PREX1: variants seen among roughly 807,000 people sequenced by gnomAD.
PREX1 encodes phosphatidylinositol 3,4,5-trisphosphate-dependent Rac exchanger 1 protein.
PREX1 carries 41 observed loss-of-function variants against 198.3 expected under a neutral mutation model. That is an observed-to-expected ratio of 0.21 (90% CI 0.16 to 0.27). The LOEUF (loss-of-function observed/expected upper bound fraction) is 0.27, where lower values mean the gene tolerates loss of function less well. Among genes scored for constraint, PREX1 ranks in the 10% least tolerant of loss-of-function variants. The pLI, the probability that PREX1 is intolerant of heterozygous loss-of-function variation, is 1.00. For synonymous variants in PREX1, 843 were observed against 887.2 expected (o/e 0.95, Z 0.89); for missense variants, 1,620 against 2,200.7 (o/e 0.74, Z 5.28).
chr20:48,718,058 C>A (rs1056207329), intron 5 of PREX1, among the ~76,000 whole-genome samples: 2 of 152,190 alleles, frequency 1.3e-5, no homozygotes, highest in East Asian at 3.8e-4. Context: ...CTCTAGTCTG[C>A]CACAGTTCCC....
chr20:48,806,437 T>C (rs895948077), intron 1 of PREX1, among the ~76,000 whole-genome samples: 3 of 152,208 alleles, frequency 2.0e-5, no homozygotes, highest in Admixed American at 6.5e-5. Flanking sequence ...TTTTTGTTTG[T>C]TCTAAACTCT....
chr20:48,802,561 C>G (rs1249433534), intron 1 of PREX1, among the ~76,000 whole-genome samples: 1 of 152,226 alleles, frequency 6.6e-6, no homozygotes, highest in Non-Finnish European at 1.5e-5. Context: ...GCCCCCGACT[C>G]TAATTCATAT....
chr20:48,671,705 C>T (rs994259249), intron 14 of PREX1, among the ~76,000 whole-genome samples: 1 of 152,212 alleles, frequency 6.6e-6, no homozygotes, highest in African/African-American at 2.4e-5. Context: ...AACCACACTC[C>T]GAGGTCACAT....
rs113422447 is a variant in PREX1 at position 48,780,531 on chromosome 20, G to A, written c.220-32651C>T. 1.7e-4 allele frequency among the ~76,000 whole-genome samples: 26 copies of A among 152,184 alleles called. 1 individual carries two copies. The highest frequency in any genetic ancestry group is 6.3e-4 in the African/African-American group (26 of 41,500). The stretch of plus-strand genomic sequence containing the variant: ...AAAAATAGAGGAGGCATGTCAAAAG[G>A]GCACGGGGTCAACCAGAAAGAACTC... On this transcript the variant is annotated intron_variant, in intron 1 of 39. Transcript: ENST00000371941.
chr20:48,787,824 C>T (rs745968816), intron 1 of PREX1, among the ~76,000 whole-genome samples: 3 of 152,096 alleles, frequency 2.0e-5, no homozygotes, highest in African/African-American at 4.8e-5. Flanking sequence ...ATGATCAAAA[C>T]ACTTTTTTTC....
chr20:48,704,527 C>T (rs536259912), intron 6 of PREX1, among the ~76,000 whole-genome samples: 62 of 151,400 alleles, frequency 4.1e-4, no homozygotes, highest in Non-Finnish European at 1.2e-4. Context: ...TCCTTCCTTC[C>T]TTTCCTTCCT....
chr20:48,657,317 C>T (rs1402096432), intron 17 of PREX1, 129 bp from the exon 18 acceptor site: 12 of 1,156,184 alleles, frequency 1.0e-5, no homozygotes, highest in African/African-American at 1.5e-5. Context: ...TGGGTGACTG[C>T]GTGCTGTCTG....
chr20:48,639,031 T>G (rs1035427351), intron 30 of PREX1, among the ~76,000 whole-genome samples: 3 of 152,352 alleles, frequency 2.0e-5, no homozygotes, highest in South Asian at 2.1e-4. Flanking sequence ...AATCTCCCAC[T>G]GTCCTGGTCA....
At chr20:48,679,800 C>T (rs1207703668) in intron 11 of PREX1, 46 bp from the exon 12 acceptor site, 1 of 1,478,774 alleles carries the variant, frequency 6.8e-7, no homozygotes, top group Non-Finnish European at 9.5e-7. Context: ...CCCCCTCAGC[C>T]CCTCCCAGCC....
chr20:48,797,562 C>A (rs997016272), intron 1 of PREX1, among the ~76,000 whole-genome samples: 1 of 152,122 alleles, frequency 6.6e-6, no homozygotes, highest in East Asian at 1.9e-4. Flanking sequence ...AGGCCCACAG[C>A]GCTGTCTCTG....
At chr20:48,833,204 T>G in the PREX1 span, among the ~76,000 whole-genome samples, 1 of 152,202 alleles carries the variant, frequency 6.6e-6, no homozygotes, top group African/African-American at 2.4e-5. Flanking sequence ...TTTGCTATTG[T>G]AAGTGGATGA....
intron 5 of PREX1, among the ~76,000 whole-genome samples, chr20:48,723,782 C>G (rs1265323130): frequency 6.6e-6 from 1 of 152,182 alleles, no homozygotes; most frequent in Non-Finnish European, 1.5e-5. Flanking sequence ...CAAACTCTGG[C>G]CCCTGGGGAG....
At chr20:48,728,812 C>G (rs768501516) in intron 4 of PREX1, among the ~76,000 whole-genome samples, 4 of 152,124 alleles carry the variant, frequency 2.6e-5, no homozygotes, top group Admixed American at 6.5e-5. Context: ...TGTGGTTTCA[C>G]TTTATTTTCT....
intron 34 of PREX1, 48 bp downstream of exon 34, chr20:48,632,448 C>G: frequency 6.2e-7 from 1 of 1,613,430 alleles, no homozygotes; most frequent in Non-Finnish European, 8.5e-7. Flanking sequence ...TGCTTGGTGG[C>G]CTTGGCCCGG....
chr20:48,783,872 T>C (rs754451241), intron 1 of PREX1, among the ~76,000 whole-genome samples: 1 of 152,228 alleles, frequency 6.6e-6, no homozygotes, highest in East Asian at 1.9e-4. Flanking sequence ...CTAAAGTGAT[T>C]CCTGCTCAAA....
At chr20:48,790,602 G>A (rs1375222147) in intron 1 of PREX1, among the ~76,000 whole-genome samples, 2 of 152,162 alleles carry the variant, frequency 1.3e-5, no homozygotes, top group Non-Finnish European at 2.9e-5. Context: ...CTTAGACTCT[G>A]AGGAGTTTTT....
intron 1 of PREX1, among the ~76,000 whole-genome samples, chr20:48,759,239 T>C (rs945826092): frequency 2.0e-5 from 3 of 151,996 alleles, no homozygotes; most frequent in African/African-American, 7.2e-5. Flanking sequence ...CATGGGCTAT[T>C]GTGAGGCTGA....
chr20:48,764,469 A>G (rs2090198875), intron 1 of PREX1, among the ~76,000 whole-genome samples: 1 of 152,184 alleles, frequency 6.6e-6, no homozygotes. Context: ...TGGGCCCAAC[A>G]TAATCACAAG....
intron 17 of PREX1, among the ~76,000 whole-genome samples, chr20:48,657,855 G>A (rs2089557330): frequency 6.6e-6 from 1 of 152,214 alleles, no homozygotes; most frequent in African/African-American, 2.4e-5. Context: ...GCAGAAAACT[G>A]AGACACCTGC....
Sources: gnomAD v4.1 joint callset for allele counts (sites outside exome capture counted in the v4.1 genomes callset) on GRCh38, gnomAD v4.1.1 for gene constraint, MANE v1.5 for transcripts, NCBI Gene and HGNC (gene_info 2026-07-23, HGNC 2026-07-21) for gene names.